APP: variants seen among roughly 807,000 people sequenced by gnomAD.
The protein encoded by APP is amyloid-beta precursor protein.
APP carries 31 observed loss-of-function variants against 101.4 expected under a neutral mutation model. The ratio of observed to expected loss-of-function variants is 0.31; its 90% CI spans 0.23 to 0.41. APP has a LOEUF of 0.41. Among genes scored for constraint, APP ranks in the 10% least tolerant of loss-of-function variants. APP has a pLI of 1.00. For synonymous variants in APP, 366 were observed against 364.4 expected (o/e 1.00, Z -0.05); for missense variants, 839 against 1,003.7 (o/e 0.84, Z 2.22).
At chr21:25,943,077 C>T (rs2040644763) in intron 13 of APP, 1 of 152,200 alleles carries the variant, frequency 6.6e-6, no homozygotes, top group South Asian at 2.1e-4. Context: ...ATTTGCATGT[C>T]ATCCTTGTGC....
intron 1 of APP, among the ~76,000 whole-genome samples, chr21:26,163,302 T>C (rs2063537852): frequency 6.6e-6 from 1 of 150,438 alleles, no homozygotes; most frequent in Non-Finnish European, 1.5e-5. Context: ...CAATTATTCT[T>C]GTTGAATCAA....
rs751156099 is a variant in APP at position 26,170,579 on chromosome 21, C to G, written c.42G>C (p.Thr14=). The change falls in exon 1 of 18, where the codon ACG becomes ACC. Residue 14 remains threonine, a synonymous_variant. Coordinates refer to ENST00000346798, the MANE Select transcript of APP (RefSeq NM_000484.4). The part of the protein sequence containing the change: ...GLALLLLAAW[T]ARALEVPTDG... ...CGGCACCCACCTCCAGCGCCCGAGCCGTCCAGGCGGCCAGCAGGAGCAGTG... is the reference window on the plus strand; with the variant it reads ...CGGCACCCACCTCCAGCGCCCGAGCGGTCCAGGCGGCCAGCAGGAGCAGTG... 1.1e-4 allele frequency: 167 copies of G among 1,538,798 alleles called. No individual in the cohort carries two copies. Among genetic ancestry groups the G allele is most frequent in the East Asian group, 5.9e-4 (24 of 40,928 alleles).
At chr21:25,998,880 G>A (rs900188243) in intron 7 of APP, among the ~76,000 whole-genome samples, 4 of 152,300 alleles carry the variant, frequency 2.6e-5, no homozygotes, top group Middle Eastern at 3.4e-3. Flanking sequence ...TCTGGTACTG[G>A]ACCTCCTGAG....
chr21:25,910,478 G>C (rs1470982936), intron 14 of APP, among the ~76,000 whole-genome samples: 1 of 152,120 alleles, frequency 6.6e-6, no homozygotes, highest in Non-Finnish European at 1.5e-5. Flanking sequence ...TTGCTGCTTT[G>C]ATAAAGAAAA....
intron 3 of APP, among the ~76,000 whole-genome samples, chr21:26,073,122 A>G (rs2061437839): frequency 6.6e-6 from 1 of 152,164 alleles, no homozygotes; most frequent in African/African-American, 2.4e-5. Flanking sequence ...TGCACTTATG[A>G]GATCTCCTAG....
intron 3 of APP, among the ~76,000 whole-genome samples, chr21:26,088,873 AC>A (rs1467046191): frequency 6.6e-6 from 1 of 152,222 alleles, no homozygotes; most frequent in Non-Finnish European, 1.5e-5. Context: ...AAGTAAATTC[AC>A]CAGGTGAAAT....
At chr21:26,090,662 A>G (rs2061804397) in intron 2 of APP, among the ~76,000 whole-genome samples, 2 of 152,220 alleles carry the variant, frequency 1.3e-5, no homozygotes, top group Non-Finnish European at 2.9e-5. Context: ...GTAGGATAAT[A>G]GTCTGTAATG....
intron 1 of APP, among the ~76,000 whole-genome samples, chr21:26,140,829 A>G (rs888141788): frequency 6.6e-6 from 1 of 152,252 alleles, no homozygotes; most frequent in Non-Finnish European, 1.5e-5. Flanking sequence ...AAGAATGGCA[A>G]GAAGTACTGC....
At chr21:26,103,331 G>C (rs1175454401) in intron 2 of APP, among the ~76,000 whole-genome samples, 2 of 152,112 alleles carry the variant, frequency 1.3e-5, no homozygotes, top group African/African-American at 2.4e-5. Flanking sequence ...ATGGAAGGCT[G>C]GGTGCAGTGG....
chr21:25,918,868 T>C (rs1275826193), intron 13 of APP, among the ~76,000 whole-genome samples: 1 of 148,384 alleles, frequency 6.7e-6, no homozygotes, highest in Non-Finnish European at 1.5e-5. Flanking sequence ...TCGAACTGGG[T>C]GGAGCCCACC....
intron 6 of APP, among the ~76,000 whole-genome samples, chr21:26,015,551 TAA>T (rs2044017341): frequency 6.6e-6 from 1 of 152,172 alleles, no homozygotes; most frequent in Admixed American, 6.5e-5. Context: ...GCGTTTAACA[TAA>T]GTTACCTAAA....
chr21:25,971,557 CA>C (rs1477756419), intron 11 of APP, among the ~76,000 whole-genome samples: 1 of 152,146 alleles, frequency 6.6e-6, no homozygotes, highest in Non-Finnish European at 1.5e-5. Flanking sequence ...ATTCACAGGA[CA>C]GGGTATTGGT....
chr21:26,015,924 G>A (rs1275705225), intron 6 of APP, among the ~76,000 whole-genome samples: 1 of 70 alleles, frequency 0.014, no homozygotes, highest in East Asian at 0.5. Context: ...AAATGGGATG[G>A]GCTGTGCCTA....
chr21:26,099,645 A>T (rs1316998065), intron 2 of APP, among the ~76,000 whole-genome samples: 1 of 152,258 alleles, frequency 6.6e-6, no homozygotes, highest in Non-Finnish European at 1.5e-5. Flanking sequence ...GAATACAAAG[A>T]AATATCACAT....
chr21:26,133,916 CCTAATCTAGAACTTAA>C (rs2062844737), intron 1 of APP, among the ~76,000 whole-genome samples: 1 of 152,174 alleles, frequency 6.6e-6, no homozygotes, highest in Admixed American at 6.5e-5. Flanking sequence ...TCTTCCTGGC[CCTAATCTAGAACTTAA>C]CTTGGTTGTG....
rs2041282421 is a variant in APP, at chr21:25,955,639, C to T, written c.1575G>A (p.Gln525=). Residue 525 remains glutamine (Q), a synonymous_variant, in exon 12 of 18, where the codon CAG becomes CAA. Coordinates refer to ENST00000346798, the MANE Select transcript of APP (RefSeq NM_000484.4). ...ACCCCACGCTTACCTGGGACCGGAT[C>T]TGAGCGGCTTTCTTGGGATCCACCA... ...VRMVDPKKAA[Q]IRSQVMTHLR... is the part of the protein sequence containing the mutation. The T allele has an allele frequency of 8.7e-6, 14 of 1,614,060 alleles. No individual in the cohort carries two copies. The highest frequency in any genetic ancestry group is 1.7e-5 in the Admixed American group (1 of 59,992).
At chr21:25,953,155 ACTCCTGGCCTCAGGTGATCTGCTCAC>A (rs2041166596) in intron 13 of APP, among the ~76,000 whole-genome samples, 1 of 152,028 alleles carries the variant, frequency 6.6e-6, no homozygotes, top group African/African-American at 2.4e-5. Context: ...CTGGTTTCGA[ACTCCTGGCCTCAGGTGATCTGCTCAC>A]CTTGGCCTCC....
chr21:26,096,678 G>A (rs188227749), intron 2 of APP, among the ~76,000 whole-genome samples: 363 of 152,332 alleles, frequency 2.4e-3, no homozygotes, highest in Non-Finnish European at 4.1e-3. Flanking sequence ...TCGGGAGGCT[G>A]AGGTGGGAGG....
intron 17 of APP, 95 bp from the exon 18 acceptor site, chr21:25,881,866 T>C (rs2037008902): frequency 7.9e-7 from 1 of 1,268,756 alleles, no homozygotes; most frequent in South Asian, 1.2e-5. Context: ...TACAGTACTC[T>C]TCTTTTGCCA....
Sources: allele counts gnomAD v4.1 joint callset (sites outside exome capture counted in the v4.1 genomes callset), GRCh38; gene constraint gnomAD v4.1.1; transcripts MANE v1.5; gene names NCBI Gene and HGNC (gene_info 2026-07-23, HGNC 2026-07-21).